Variants in ZNF69 observed in about 807,000 individuals in gnomAD.
ZNF69 encodes the protein ZNF3.
ZNF69 carries 47 observed loss-of-function variants against 50.9 expected under a neutral mutation model. The ratio of observed to expected loss-of-function variants is 0.92; its 90% CI spans 0.73 to 1.18. The LOEUF is 1.18. Among genes scored for constraint, ZNF69 ranks in the 50% most tolerant of loss-of-function variants. The probability of loss-of-function intolerance (pLI) is 0.00; values close to 1 mark genes in which losing one functional copy is unlikely to be tolerated. For missense variants in ZNF69, 717 were observed against 675.1 expected, an observed-to-expected ratio of 1.06 and a Z score of -0.69; for synonymous variants, 216 against 223.1, an observed-to-expected ratio of 0.97 and a Z score of 0.29.
the ZNF69 span, among the ~76,000 whole-genome samples, chr19:11,958,434 G>T: frequency 6.6e-6 from 1 of 152,134 alleles, no homozygotes; most frequent in Non-Finnish European, 1.5e-5. Flanking sequence ...TTGCATGACT[G>T]CTTAGTGCTG....
downstream of ZNF69, among the ~76,000 whole-genome samples, chr19:11,908,912 G>A (rs893911013): frequency 5.3e-5 from 8 of 151,992 alleles, no homozygotes; most frequent in Admixed American, 5.2e-4. Context: ...CAACAAAATT[G>A]ATAGACCGCC....
the ZNF69 span, among the ~76,000 whole-genome samples, chr19:11,924,639 G>C: frequency 3.9e-5 from 6 of 152,076 alleles, no homozygotes; most frequent in African/African-American, 1.4e-4. Flanking sequence ...GGGGATGGGG[G>C]TGTGTGAGCA....
At position 11,906,496 on chromosome 19, in the gene ZNF69, C is replaced by T. The variant is rs1488780518; in HGVS notation, c.*398C>T. ...CGAAGCTTCCAGAGGAAGGATCAGG[C>T]AACAACATTTGCCGTTCTGCAATAT... On this transcript the variant is annotated 3_prime_UTR_variant, in exon 4 of 4. Coordinates refer to ENST00000429654, the MANE Select transcript of ZNF69 (RefSeq NM_001364730.1). Among the ~76,000 whole-genome samples, 1 of 152,182 alleles carries T rather than the reference C, an allele frequency of 6.6e-6. No individual in the cohort carries two copies. Among genetic ancestry groups the T allele is most frequent in the Non-Finnish European group, 1.5e-5 (1 of 68,040 alleles).
chr19:11,908,577 G>C (rs929969627), downstream of ZNF69, among the ~76,000 whole-genome samples: 8 of 152,108 alleles, frequency 5.3e-5, no homozygotes, highest in Non-Finnish European at 1.0e-4. Context: ...TGACTACTGG[G>C]TACATAACAA....
rs1420455419 is a variant in ZNF69, at chr19:11,887,961, C to T, written c.38C>T (p.Pro13Leu). The change falls in exon 1 of 4, where the codon CCC (proline) becomes CTC (leucine). Residue 13 changes from proline (P) to leucine (L), a missense_variant. By Grantham distance (98) the Pro-to-Leu change is moderately conservative. Transcript: ENST00000429654. ...CCSHRRCREDPGTSESQEMDP... is the reference protein window; with the variant it reads ...CCSHRRCREDLGTSESQEMDP... ...AGTCACAGGAGGTGTAGAGAGGACC[C>T]CGGGACATCTGAAAGCCAGGAAATG... 5 of 1,612,762 alleles carry T rather than the reference C, an allele frequency of 3.1e-6. No individual in the cohort carries two copies. The highest frequency in any genetic ancestry group is 3.4e-6 in the Non-Finnish European group (4 of 1,179,080).
chr19:11,965,267 C>CGGAACCGGCT, the ZNF69 span: 1 of 1,611,918 alleles, frequency 6.2e-7, no homozygotes. Context: ...TGGAACCGGC[C>CGGAACCGGCT]GGAACCGGCT....
At position 11,906,208 on chromosome 19, in the gene ZNF69, C is replaced by T. The variant is rs1972371627; in HGVS notation, c.*110C>T. 6.5e-7 allele frequency: 1 copy of T among 1,533,554 alleles called. No homozygotes were observed. The highest frequency in any genetic ancestry group is 1.4e-5 in the African/African-American group (1 of 71,994). The allele number at this position is 1,533,554 out of a possible 1,614,324, so 95.0% of individuals were successfully genotyped here. A position where few individuals can be genotyped will look rare whatever the true frequency, so the allele number is the denominator to read the frequency against. ...GAAACCCTTCAGGTCTGCCCAGAAC[C>T]TTCGAATTCAGTAAAGGACACAAGC... On this transcript the variant is annotated 3_prime_UTR_variant, in exon 4 of 4. Coordinates refer to ENST00000429654, the MANE Select transcript of ZNF69 (RefSeq NM_001364730.1).
In ZNF69 at chr19:11,903,669, C is replaced by A. The variant is rs775140560; in HGVS notation, c.160C>A (p.Leu54Met). ...SQRKLYKEVM[L>M]ETFRNLTSVG... ...GAGGAAACTCTACAAGGAAGTGATG[C>A]TGGAAACTTTCAGGAACCTGACCTC... is the stretch of plus-strand genomic sequence containing the variant. The change falls in exon 2 of 4, where the codon CTG (leucine) becomes ATG (methionine). Residue 54 changes from leucine to methionine, a missense_variant. Coordinates refer to ENST00000429654, the MANE Select transcript of ZNF69 (RefSeq NM_001364730.1). 2 of 1,614,058 alleles carry A rather than the reference C, an allele frequency of 1.2e-6. No individual in the cohort carries two copies. The highest frequency in any genetic ancestry group is 2.2e-5 in the South Asian group (2 of 91,078).
the ZNF69 span, among the ~76,000 whole-genome samples, chr19:11,943,126 A>C: frequency 6.6e-6 from 1 of 152,240 alleles, no homozygotes; most frequent in African/African-American, 2.4e-5. Flanking sequence ...TATTATTTCT[A>C]TTATAAGTGT....
chr19:11,902,044 C>T (rs965741819), intron 1 of ZNF69, among the ~76,000 whole-genome samples: 1 of 137,794 alleles, frequency 7.3e-6, no homozygotes, highest in Non-Finnish European at 1.5e-5. Context: ...TGCAATGGTG[C>T]AATCTTGGCT....
At chr19:11,973,697 T>C in the ZNF69 span, among the ~76,000 whole-genome samples, 1 of 152,016 alleles carries the variant, frequency 6.6e-6, no homozygotes. Flanking sequence ...GCCTGGTAGA[T>C]ACAGTGTGAG....
chr19:11,934,179 A>AT, the ZNF69 span, among the ~76,000 whole-genome samples: 1,314 of 146,718 alleles, frequency 9.0e-3, 30 homozygotes, highest in Non-Finnish European at 0.014. Flanking sequence ...GACCTCATCT[A>AT]TTTTTTTTTA....
chr19:11,979,608 A>G, the ZNF69 span: 1 of 1,604,556 alleles, frequency 6.2e-7, no homozygotes, highest in African/African-American at 1.3e-5. Flanking sequence ...GAAAGGACTC[A>G]CACTGGAGAG....
the ZNF69 span, chr19:11,965,004 C>T: frequency 1.6e-5 from 9 of 574,408 alleles, 1 homozygote; most frequent in Middle Eastern, 4.8e-4. Flanking sequence ...CAGGGCCCTG[C>T]CCATTGTTTA....
downstream of ZNF69, among the ~76,000 whole-genome samples, chr19:11,911,386 T>C (rs1480542930): frequency 6.6e-6 from 1 of 152,124 alleles, no homozygotes; most frequent in Non-Finnish European, 1.5e-5. Context: ...ATGTTTATTG[T>C]GGCACTATTC....
chr19:11,966,936 A>C, the ZNF69 span, among the ~76,000 whole-genome samples: 1 of 152,154 alleles, frequency 6.6e-6, no homozygotes, highest in Non-Finnish European at 1.5e-5. Flanking sequence ...CTGGCTTTAT[A>C]TTACCAGGAA....
Position 11,903,889 on chromosome 19 carries a change from T to C in ZNF69, c.191-16T>C, listed in dbSNP as rs1361856395. ...TTATACTGCCTCAGGACTATTTTTC[T>C]GTGTCTATATTTTAGGAAAAAGTTG... On this transcript the variant is annotated splice_polypyrimidine_tract_variant and intron_variant, in intron 2 of 3. Coordinates refer to ENST00000429654, the MANE Select transcript of ZNF69 (RefSeq NM_001364730.1). 3 of 1,612,716 alleles carry C rather than the reference T, an allele frequency of 1.9e-6. No homozygotes were observed. In the Admixed American group the frequency reaches 5.0e-5, roughly 27 times the overall value.
rs1418308895 is a variant in ZNF69, at chr19:11,887,839, G to C, written c.-85G>C. 3 of 1,264,490 alleles carry C rather than the reference G, an allele frequency of 2.4e-6. No individual in the cohort carries two copies. The allele number at this position is 1,264,490 out of a possible 1,614,324, so 78.3% of individuals were successfully genotyped here. ...CCTTACCTCACCTTTGTCCCTGCGC[G>C]GGCTGCGGCTGGGATCCGGTCTTTC... is the stretch of plus-strand genomic sequence containing the variant. On this transcript the variant is annotated 5_prime_UTR_variant, in exon 1 of 4. Transcript: ENST00000429654.
At chr19:11,945,697 A>G in the ZNF69 span, among the ~76,000 whole-genome samples, 14 of 152,224 alleles carry the variant, frequency 9.2e-5, no homozygotes, top group East Asian at 1.2e-3. Context: ...GGCTCGGTTA[A>G]GAAAAGTCTT....
Sources: allele counts gnomAD v4.1 joint callset (sites outside exome capture counted in the v4.1 genomes callset), GRCh38; gene constraint gnomAD v4.1.1; transcripts MANE v1.5; gene names NCBI Gene and HGNC (gene_info 2026-07-23, HGNC 2026-07-21).